GNAQ: variants seen among roughly 807,000 people sequenced by gnomAD.
GNAQ encodes G protein subunit alpha q.
GNAQ carries 8 observed loss-of-function variants against 43.9 expected under a neutral mutation model. The ratio of observed to expected loss-of-function variants is 0.18; its 90% CI spans 0.11 to 0.33. GNAQ has a LOEUF of 0.33. Ranked by LOEUF, GNAQ falls within the 10% of genes least tolerant of loss-of-function variation. GNAQ has a pLI of 1.00. For synonymous variants in GNAQ, 155 were observed against 170.7 expected (o/e 0.91, Z 0.71); for missense variants, 158 against 450.8 (o/e 0.35, Z 5.88).
At chr9:77,799,012 C>T (rs1226436573) in intron 3 of GNAQ, among the ~76,000 whole-genome samples, 1 of 152,192 alleles carries the variant, frequency 6.6e-6, no homozygotes, top group Non-Finnish European at 1.5e-5. Context: ...CAATGTAATT[C>T]TGCCATGTCA....
Position 77,866,798 on chromosome 9 carries a change from AAT to A in GNAQ, c.322-51030_322-51029del, listed in dbSNP as rs376792343. 6.5e-3 allele frequency among the ~76,000 whole-genome samples: 995 copies of A among 152,376 alleles called. 3 individuals carry two copies. Among genetic ancestry groups the A allele is most frequent in the Non-Finnish European group, 0.011 (738 of 68,034 alleles). On this transcript the variant is annotated intron_variant, in intron 2 of 6. Coordinates refer to ENST00000286548, the MANE Select transcript of GNAQ (RefSeq NM_002072.5). ...TTGGCCAATATTTTGTCTAAATTAA[AAT>A]ACAAACTTTTTAAATGAAGGTATAT...
chr9:78,019,842 T>C (rs1375995478), intron 1 of GNAQ, among the ~76,000 whole-genome samples: 1 of 147,444 alleles, frequency 6.8e-6, no homozygotes, highest in Non-Finnish European at 1.5e-5. Context: ...GAGAATCACT[T>C]GAACCTGGGA....
chr9:77,955,975 G>T (rs1162044119), intron 1 of GNAQ, among the ~76,000 whole-genome samples: 4 of 152,178 alleles, frequency 2.6e-5, no homozygotes, highest in African/African-American at 9.7e-5. Flanking sequence ...GGCTATCTTA[G>T]TGGGTCTATG....
intron 2 of GNAQ, among the ~76,000 whole-genome samples, chr9:77,906,067 T>C (rs778472650): frequency 4.6e-5 from 7 of 152,146 alleles, no homozygotes; most frequent in Non-Finnish European, 1.0e-4. Context: ...CTGCACATTC[T>C]GCACATGTAT....
At chr9:77,952,766 T>C (rs1408655918) in intron 1 of GNAQ, among the ~76,000 whole-genome samples, 1 of 152,216 alleles carries the variant, frequency 6.6e-6, no homozygotes, top group East Asian at 1.9e-4. Context: ...TTGTATTGCT[T>C]AATTATTCAT....
chr9:77,717,532 T>C lies in GNAQ; in HGVS notation c.*3791A>G, dbSNP rs893673561. 9.9e-5 allele frequency: 23 copies of C among 232,352 alleles called. No homozygotes were observed. Among genetic ancestry groups the C allele is most frequent in the Non-Finnish European group, 1.0e-4 (12 of 117,616 alleles). The allele number at this position is 232,352 out of a possible 1,614,324, so 14.4% of individuals were successfully genotyped here. On this transcript the variant is annotated 3_prime_UTR_variant, in exon 7 of 7. Coordinates refer to ENST00000286548, the MANE Select transcript of GNAQ (RefSeq NM_002072.5). ...CATTATTTATTTTTTTGCAAATAAG[T>C]CATTTTGACCCAAATCCAGCATAAA...
intron 5 of GNAQ, among the ~76,000 whole-genome samples, chr9:77,772,767 T>C (rs999911219): frequency 4.6e-5 from 7 of 152,184 alleles, no homozygotes; most frequent in African/African-American, 9.7e-5. Context: ...AACACTGTAA[T>C]AGAACATGTA....
intron 4 of GNAQ, among the ~76,000 whole-genome samples, chr9:77,796,482 T>C (rs1826660696): frequency 6.6e-6 from 1 of 152,218 alleles, no homozygotes; most frequent in Non-Finnish European, 1.5e-5. Flanking sequence ...AAAGTACAAC[T>C]GAGTGATTGC....
chr9:77,914,267 G>C (rs1251852247), intron 2 of GNAQ, among the ~76,000 whole-genome samples: 1 of 152,192 alleles, frequency 6.6e-6, no homozygotes, highest in Non-Finnish European at 1.5e-5. Flanking sequence ...CAACTCCCAA[G>C]AGTCCTGGAG....
chr9:77,913,832 T>C (rs1828849392), intron 2 of GNAQ, among the ~76,000 whole-genome samples: 1 of 152,294 alleles, frequency 6.6e-6, no homozygotes, highest in South Asian at 2.1e-4. Context: ...GATATACATG[T>C]ATTGACAATG....
intron 4 of GNAQ, among the ~76,000 whole-genome samples, chr9:77,795,367 TATCTAGCAATGCTTGGCACTGAGTCA>T (rs1327303828): frequency 6.6e-6 from 1 of 152,184 alleles, no homozygotes; most frequent in Non-Finnish European, 1.5e-5. Context: ...TGTCTGAAAA[TATCTAGCAATGCTTGGCACTGAGTCA>T]AAGTTTCTCC....
At chr9:77,796,753 A>G (rs1300874042) in intron 4 of GNAQ, among the ~76,000 whole-genome samples, 1 of 152,194 alleles carries the variant, frequency 6.6e-6, no homozygotes, top group Non-Finnish European at 1.5e-5. Context: ...GCTACTGAAA[A>G]ATTTTGCATT....
At chr9:77,809,278 A>G (rs922864065) in intron 3 of GNAQ, among the ~76,000 whole-genome samples, 4 of 152,212 alleles carry the variant, frequency 2.6e-5, no homozygotes, top group African/African-American at 7.2e-5. Context: ...AAGTAAGATT[A>G]GAAATTATTT....
intron 2 of GNAQ, among the ~76,000 whole-genome samples, chr9:77,892,440 T>C (rs1828421399): frequency 6.6e-6 from 1 of 152,238 alleles, no homozygotes; most frequent in Non-Finnish European, 1.5e-5. Flanking sequence ...ATAGGTTCAA[T>C]ACTGGTTTCT....
intron 3 of GNAQ, among the ~76,000 whole-genome samples, chr9:77,814,183 T>C (rs1049077934): frequency 3.3e-5 from 5 of 151,982 alleles, no homozygotes; most frequent in African/African-American, 9.7e-5. Context: ...ATTTAGAACA[T>C]GCAAGAGCTG....
At chr9:78,005,183 C>A (rs1823690651) in intron 1 of GNAQ, among the ~76,000 whole-genome samples, 1 of 152,104 alleles carries the variant, frequency 6.6e-6, no homozygotes, top group Admixed American at 6.5e-5. Context: ...GTAGCTGGGA[C>A]CACAGGTGGG....
chr9:77,967,171 T>C (rs1048408804), intron 1 of GNAQ, among the ~76,000 whole-genome samples: 5 of 152,224 alleles, frequency 3.3e-5, no homozygotes, highest in Non-Finnish European at 7.3e-5. Flanking sequence ...AAGGGTATCA[T>C]GCCACTATTG....
At chr9:77,851,380 G>T (rs1827674208) in intron 2 of GNAQ, among the ~76,000 whole-genome samples, 1 of 152,086 alleles carries the variant, frequency 6.6e-6, no homozygotes, top group Non-Finnish European at 1.5e-5. Context: ...CAGTGATAAG[G>T]TTTCTGATAT....
intron 2 of GNAQ, among the ~76,000 whole-genome samples, chr9:77,902,655 G>A (rs966685090): frequency 3.3e-5 from 5 of 152,170 alleles, no homozygotes; most frequent in African/African-American, 1.2e-4. Flanking sequence ...ATGAGTTCTG[G>A]TCTTAGTCTT....
Sources: gnomAD v4.1 joint callset for allele counts (sites outside exome capture counted in the v4.1 genomes callset) on GRCh38, gnomAD v4.1.1 for gene constraint, MANE v1.5 for transcripts, NCBI Gene and HGNC (gene_info 2026-07-23, HGNC 2026-07-21) for gene names.